TMEM260: variants seen among roughly 807,000 people sequenced by gnomAD.
TMEM260 encodes the protein transmembrane protein 260.
A neutral mutation model predicts 88.9 loss-of-function variants in TMEM260; 82 were observed. The ratio of observed to expected loss-of-function variants is 0.92; its 90% CI spans 0.77 to 1.11. TMEM260 has a LOEUF of 1.11. Among genes scored for constraint, TMEM260 ranks in the 50% least tolerant of loss-of-function variants. TMEM260 has a pLI of 0.00. For missense variants in TMEM260, 902 were observed against 853.4 expected, an observed-to-expected ratio of 1.06 and a Z score of -0.71; for synonymous variants, 314 against 309.3, an observed-to-expected ratio of 1.02 and a Z score of -0.16.
the TMEM260 span, among the ~76,000 whole-genome samples, chr14:56,662,584 A>T: frequency 6.6e-6 from 1 of 152,268 alleles, no homozygotes; most frequent in African/African-American, 2.4e-5. Context: ...CACAAATTAA[A>T]TGGCTTCCCC....
At chr14:56,645,506 G>A (rs1477515898) in intron 15 of TMEM260, among the ~76,000 whole-genome samples, 1 of 62,364 alleles carries the variant, frequency 1.6e-5, no homozygotes, top group Non-Finnish European at 4.1e-5. Flanking sequence ...GGTGGGGGTA[G>A]GGGGGAGGGA....
In TMEM260 at chr14:56,605,567, C is replaced by A; in HGVS notation, c.523-3C>A. On this transcript the variant is annotated splice_region_variant and splice_polypyrimidine_tract_variant and intron_variant, in intron 4 of 15. Coordinates refer to ENST00000261556, the MANE Select transcript of TMEM260 (RefSeq NM_017799.4). ...TTAATTTTTTTTTTTAATTTATTTT[C>A]AGGTAGCTAAAATTGGTGCTTTCTG... The A allele has an allele frequency of 2.1e-6, 3 of 1,448,002 alleles. No homozygotes were observed. The highest frequency in any genetic ancestry group is 1.8e-6 in the Non-Finnish European group (2 of 1,081,450). The allele number at this position is 1,448,002 out of a possible 1,614,324, so 89.7% of individuals were successfully genotyped here.
At chr14:56,658,581 C>A in the TMEM260 span, among the ~76,000 whole-genome samples, 2 of 151,950 alleles carry the variant, frequency 1.3e-5, no homozygotes, top group Admixed American at 6.6e-5. Context: ...AATTGAGAGA[C>A]TGTCTACAAA....
intron 7 of TMEM260, chr14:56,613,895 C>CAAAAAAAAAAAAAAAAAAAAAAAAAAAAA (rs35019348): frequency 7.5e-6 from 1 of 133,158 alleles, no homozygotes; most frequent in Admixed American, 7.7e-5. Flanking sequence ...CCCGTCTCTG[C>CAAAAAAAAAAAAAAAAAAAAAAAAAAAAA]AAAAAAAAAA....
At chr14:56,660,465 G>A in the TMEM260 span, among the ~76,000 whole-genome samples, 1 of 152,138 alleles carries the variant, frequency 6.6e-6, no homozygotes, top group Non-Finnish European at 1.5e-5. Context: ...CTTAAGGGCA[G>A]GATAAAATGG....
chr14:56,644,940 G>T (rs925770736), intron 15 of TMEM260, among the ~76,000 whole-genome samples: 23 of 151,998 alleles, frequency 1.5e-4, no homozygotes, highest in Middle Eastern at 3.4e-3. Context: ...AAAACCACAA[G>T]GAGATACCAT....
At chr14:56,587,749 C>G (rs966457335) in intron 3 of TMEM260, among the ~76,000 whole-genome samples, 1 of 151,948 alleles carries the variant, frequency 6.6e-6, no homozygotes, top group African/African-American at 2.4e-5. Flanking sequence ...ATTTTGAATA[C>G]AAATAATTGA....
In TMEM260 at chr14:56,648,126, G is replaced by A. The variant is rs533254167; in HGVS notation, c.*629G>A. On this transcript the variant is annotated 3_prime_UTR_variant, in exon 16 of 16. Transcript: ENST00000261556. ...TTGATGTTTGCTTATTTCAGTTGCA[G>A]AAACTGGCGAGTAAAAAAGATTTTG... The A allele has an allele frequency of 1.3e-5, 2 of 151,678 alleles. No individual in the cohort carries two copies. The highest frequency in any genetic ancestry group is 4.2e-4 in the South Asian group (2 of 4,812). The allele number at this position is 151,678 out of a possible 1,614,324, so 9.4% of individuals were successfully genotyped here.
At chr14:56,629,879 T>A (rs1243335077) in intron 12 of TMEM260, among the ~76,000 whole-genome samples, 1 of 151,690 alleles carries the variant, frequency 6.6e-6, no homozygotes, top group African/African-American at 2.4e-5. Flanking sequence ...TACAAAAAAA[T>A]AAAAATAAAA....
intron 3 of TMEM260, among the ~76,000 whole-genome samples, chr14:56,599,204 A>G (rs1245189453): frequency 6.6e-6 from 1 of 152,002 alleles, no homozygotes; most frequent in African/African-American, 2.4e-5. Flanking sequence ...CCCATGATTC[A>G]TTACTTTAAC....
At chr14:56,636,483 T>C (rs1337241581) in intron 14 of TMEM260, 25 bp from the exon 15 acceptor site, 1 of 1,601,954 alleles carries the variant, frequency 6.2e-7, no homozygotes, top group African/African-American at 1.3e-5. Flanking sequence ...ATGATTTTAA[T>C]GAAGGTTCCT....
chr14:56,639,074 T>A (rs1449404197), intron 15 of TMEM260, among the ~76,000 whole-genome samples: 1 of 152,188 alleles, frequency 6.6e-6, no homozygotes, highest in East Asian at 1.9e-4. Flanking sequence ...GGGTCATGAA[T>A]GAGCCTCCAT....
intron 8 of TMEM260, among the ~76,000 whole-genome samples, chr14:56,616,431 AG>A (rs1424882072): frequency 6.6e-6 from 1 of 152,074 alleles, no homozygotes; most frequent in Non-Finnish European, 1.5e-5. Context: ...TTTATGATCT[AG>A]TCTGTTGAAT....
chr14:56,656,062 T>C, the TMEM260 span, among the ~76,000 whole-genome samples: 4 of 152,166 alleles, frequency 2.6e-5, no homozygotes, highest in African/African-American at 9.6e-5. Flanking sequence ...CACTGTATAG[T>C]ATAGTGATTA....
downstream of TMEM260, among the ~76,000 whole-genome samples, chr14:56,653,927 TAC>T (rs889371504): frequency 3.7e-4 from 56 of 152,234 alleles, no homozygotes; most frequent in African/African-American, 1.3e-3. Flanking sequence ...CTCAACCTGG[TAC>T]AGTTTCCCTA....
intron 7 of TMEM260, chr14:56,615,716 C>A: frequency 2.1e-6 from 1 of 474,672 alleles, no homozygotes. Flanking sequence ...GATCCTATTC[C>A]AAATTATATA....
intron 3 of TMEM260, among the ~76,000 whole-genome samples, chr14:56,596,794 A>AAAAAAAAT (rs59623466): frequency 1.5e-5 from 2 of 136,298 alleles, no homozygotes; most frequent in Admixed American, 7.3e-5. Context: ...TAAAAAAAAA[A>AAAAAAAAT]ATATATATAT....
the TMEM260 span, among the ~76,000 whole-genome samples, chr14:56,659,501 G>A: frequency 6.6e-6 from 1 of 152,202 alleles, no homozygotes; most frequent in Non-Finnish European, 1.5e-5. Context: ...CCTCTTCCTA[G>A]TAGCTGTCTA....
At position 56,621,668 on chromosome 14, in the gene TMEM260, G is replaced by T. The variant is rs755875021; in HGVS notation, c.1364G>T (p.Gly455Val). Residue 455 changes from glycine (G) to valine (V), a missense_variant, in exon 11 of 16, where the codon GGG (glycine) becomes GTG (valine). Transcript: ENST00000261556. ...CTCCGTTACATGCATTACTGTGAGG[G>T]GTTGAGGCCTGACATTTCATTAGTG... ...NSLRYMHYCE[G>V]LRPDISLVDQ... 2.5e-6 allele frequency: 4 copies of T among 1,611,770 alleles called. No homozygotes were observed. The highest frequency in any genetic ancestry group is 3.4e-5 in the Admixed American group (2 of 59,654).
Sources: allele counts gnomAD v4.1 joint callset (sites outside exome capture counted in the v4.1 genomes callset), GRCh38; gene constraint gnomAD v4.1.1; transcripts MANE v1.5; gene names NCBI Gene and HGNC (gene_info 2026-07-23, HGNC 2026-07-21).